PTPRG: variants seen among roughly 807,000 people sequenced by gnomAD.
PTPRG encodes protein tyrosine phosphatase receptor type G.
A neutral mutation model predicts 165.3 loss-of-function variants in PTPRG; 102 were observed. The observed-to-expected ratio is 0.62, with a 90% confidence interval of 0.53 to 0.73. The LOEUF is 0.73. Ranked by LOEUF, PTPRG falls within the 30% of genes least tolerant of loss-of-function variation. PTPRG has a pLI of 0.00. For missense variants in PTPRG, 1,866 were observed against 1,861.4 expected (o/e 1.00, Z -0.05); for synonymous variants, 675 against 669.5 (o/e 1.01, Z -0.13).
chr3:62,201,395 A>G (rs1477480547), intron 10 of PTPRG, 110 bp from the exon 11 acceptor site: 9 of 886,740 alleles, frequency 1.0e-5, no homozygotes, highest in Non-Finnish European at 1.5e-5. Context: ...ACAGAATAAT[A>G]TTTTGACATG....
chr3:62,235,553 T>A (rs185643462), intron 14 of PTPRG, among the ~76,000 whole-genome samples: 1 of 152,308 alleles, frequency 6.6e-6, no homozygotes, highest in East Asian at 1.9e-4. Flanking sequence ...CTTGGCAAAC[T>A]TAATGCCTAG....
At chr3:61,956,978 T>G (rs540108147) in intron 2 of PTPRG, among the ~76,000 whole-genome samples, 1 of 152,310 alleles carries the variant, frequency 6.6e-6, no homozygotes, top group South Asian at 2.1e-4. Flanking sequence ...CATAGGAAAT[T>G]AGGTTGAAAA....
At chr3:62,088,117 G>T (rs943391539) in intron 5 of PTPRG, among the ~76,000 whole-genome samples, 2 of 152,216 alleles carry the variant, frequency 1.3e-5, no homozygotes, top group Non-Finnish European at 2.9e-5. Context: ...GGGAATGGGG[G>T]TTTTGCCCCA....
At chr3:62,118,857 C>G (rs1329228634) in intron 5 of PTPRG, among the ~76,000 whole-genome samples, 2 of 152,196 alleles carry the variant, frequency 1.3e-5, no homozygotes, top group Non-Finnish European at 2.9e-5. Context: ...TGGATCACAT[C>G]TTTTGGACAT....
At chr3:61,855,071 A>G (rs2037063010) in intron 2 of PTPRG, among the ~76,000 whole-genome samples, 1 of 152,198 alleles carries the variant, frequency 6.6e-6, no homozygotes, top group South Asian at 2.1e-4. Flanking sequence ...GAACGCAGTT[A>G]CTGAGTGGTT....
chr3:61,747,790 A>AT (rs554297918), intron 1 of PTPRG, among the ~76,000 whole-genome samples: 37 of 147,416 alleles, frequency 2.5e-4, no homozygotes, highest in Non-Finnish European at 3.2e-4. Flanking sequence ...ACTTTCTTAA[A>AT]TTTTTTTTTT....
At position 62,272,944 on chromosome 3, in the gene PTPRG, A is replaced by C; in HGVS notation, c.3183-2A>C. On this transcript the variant is annotated splice_acceptor_variant, in intron 21 of 29. Coordinates refer to ENST00000474889, the MANE Select transcript of PTPRG (RefSeq NM_002841.4). LOFTEE classifies it high-confidence loss of function. Reference sequence around the variant, plus strand: ...CCAGTTGAGTGTCTTCATTTCTTACAGTGCTGGTGTGGGCAGAACAGGCAC... The same window carrying C: ...CCAGTTGAGTGTCTTCATTTCTTACCGTGCTGGTGTGGGCAGAACAGGCAC... 6.3e-7 allele frequency: 1 copy of C among 1,583,388 alleles called. No homozygotes were observed. Among genetic ancestry groups the C allele is most frequent in the Non-Finnish European group, 8.6e-7 (1 of 1,167,700 alleles).
At chr3:62,162,877 C>T (rs1043756464) in intron 7 of PTPRG, among the ~76,000 whole-genome samples, 5 of 152,166 alleles carry the variant, frequency 3.3e-5, no homozygotes, top group African/African-American at 9.6e-5. Flanking sequence ...TCTTGGTTCC[C>T]GTGCCTGCAT....
chr3:61,908,121 TAA>T (rs1183592777), intron 2 of PTPRG, among the ~76,000 whole-genome samples: 9,173 of 66,878 alleles, frequency 0.14, 606 homozygotes, highest in East Asian at 0.4. Context: ...CACCTCTCTT[TAA>T]AAAAAAAAAA....
At chr3:61,746,567 C>A (rs534657967) in intron 1 of PTPRG, among the ~76,000 whole-genome samples, 5 of 151,958 alleles carry the variant, frequency 3.3e-5, no homozygotes, top group Middle Eastern at 6.8e-3. Flanking sequence ...TCTGTTAATC[C>A]CTTACTTGGT....
At chr3:61,829,180 A>G (rs2036198187) in intron 2 of PTPRG, among the ~76,000 whole-genome samples, 1 of 152,260 alleles carries the variant, frequency 6.6e-6, no homozygotes, top group Non-Finnish European at 1.5e-5. Context: ...AAGGCGAAGT[A>G]AATGTCTCTG....
intron 2 of PTPRG, among the ~76,000 whole-genome samples, chr3:61,792,753 G>A (rs2034925836): frequency 6.8e-6 from 1 of 146,670 alleles, no homozygotes; most frequent in Non-Finnish European, 1.5e-5. Flanking sequence ...TCTTTGAGAT[G>A]GAGTCTCGCT....
chr3:61,598,986 T>C (rs569665294), intron 1 of PTPRG, among the ~76,000 whole-genome samples: 1 of 152,292 alleles, frequency 6.6e-6, no homozygotes, highest in Admixed American at 6.5e-5. Context: ...TCTTAATTAA[T>C]GATATCTGCA....
At chr3:62,154,986 C>T (rs185727092) in intron 6 of PTPRG, among the ~76,000 whole-genome samples, 6 of 152,264 alleles carry the variant, frequency 3.9e-5, no homozygotes, top group South Asian at 2.1e-4. Flanking sequence ...TTTTCTTCTC[C>T]GGGCCAAACC....
intron 1 of PTPRG, among the ~76,000 whole-genome samples, chr3:61,651,885 C>T (rs1447877610): frequency 6.6e-6 from 1 of 152,080 alleles, no homozygotes; most frequent in African/African-American, 2.4e-5. Flanking sequence ...TGACACACAC[C>T]TGTAGTCCCA....
chr3:61,844,080 C>A (rs1322860518), intron 2 of PTPRG, among the ~76,000 whole-genome samples: 1 of 151,756 alleles, frequency 6.6e-6, no homozygotes, highest in African/African-American at 2.4e-5. Context: ...TCTCCTGCCT[C>A]AGCCTCCCGA....
intron 1 of PTPRG, among the ~76,000 whole-genome samples, chr3:61,676,730 C>G (rs1488741313): frequency 6.6e-6 from 1 of 152,070 alleles, no homozygotes; most frequent in Non-Finnish European, 1.5e-5. Context: ...CCATAAGTTA[C>G]TAATTCCCAT....
chr3:62,201,460 A>C, intron 10 of PTPRG, 45 bp from the exon 11 acceptor site: 1 of 1,513,818 alleles, frequency 6.6e-7, no homozygotes, highest in African/African-American at 1.4e-5. Context: ...TGTTAGAGCC[A>C]CAAAAAAAGT....
chr3:61,675,919 C>T (rs1487024360), intron 1 of PTPRG, among the ~76,000 whole-genome samples: 1 of 152,170 alleles, frequency 6.6e-6, no homozygotes, highest in African/African-American at 2.4e-5. Context: ...TCCGTGGTAG[C>T]ATGGATCATA....
Sources: gnomAD v4.1 joint callset for allele counts (sites outside exome capture counted in the v4.1 genomes callset) on GRCh38, gnomAD v4.1.1 for gene constraint, MANE v1.5 for transcripts, NCBI Gene and HGNC (gene_info 2026-07-23, HGNC 2026-07-21) for gene names.